The following PCBP3 variants were observed in gnomAD, a reference collection of about 807,000 sequenced individuals.
PCBP3 encodes poly(rC)-binding protein 3.
Under a neutral mutation model 52.7 loss-of-function variants are expected in PCBP3, and 25 were observed. The observed-to-expected ratio is 0.47, with a 90% CI of 0.35 to 0.66. The LOEUF is 0.66. PCBP3 is among the 30% of genes least tolerant of loss of function. PCBP3 has a pLI of 0.01. For synonymous variants in PCBP3, 162 were observed against 183.0 expected, an observed-to-expected ratio of 0.89 and a Z score of 0.93; for missense variants, 391 against 490.3, an observed-to-expected ratio of 0.80 and a Z score of 1.91.
intron 4 of PCBP3, among the ~76,000 whole-genome samples, chr21:45,765,437 C>G (rs914153904): frequency 1.3e-5 from 2 of 152,196 alleles, no homozygotes; most frequent in African/African-American, 4.8e-5. Context: ...GAGGACAGCT[C>G]AAATAGAGAA....
chr21:45,939,967 C>A, intron 16 of PCBP3, 63 bp from the exon 17 acceptor site: 1 of 1,502,968 alleles, frequency 6.7e-7, no homozygotes, highest in Non-Finnish European at 9.2e-7. Context: ...GGGCGCACTG[C>A]CCACAGTCTT....
In PCBP3 at chr21:45,894,142, T is replaced by A. The variant is rs2095758815; in HGVS notation, c.11-2066T>A. On this transcript the variant is annotated intron_variant, in intron 5 of 17. Coordinates refer to ENST00000681687, the MANE Select transcript of PCBP3 (RefSeq NM_001384156.1). ...GTCCTCTGGGGCTCTGGGCACTGAGTCCCAGGTGACCCGCACGGCACAGGA... is the reference window on the plus strand; with the variant it reads ...GTCCTCTGGGGCTCTGGGCACTGAGACCCAGGTGACCCGCACGGCACAGGA... 3 of 541,896 alleles carry A rather than the reference T, an allele frequency of 5.5e-6. No individual in the cohort carries two copies. In the South Asian group the frequency reaches 2.4e-4, roughly 44 times the overall value. 33.6% of individuals were successfully genotyped at this position (541,896 alleles called of 1,614,324 possible).
At chr21:45,747,241 CCATGAGAA>C (rs1450822031) in intron 3 of PCBP3, among the ~76,000 whole-genome samples, 7 of 152,198 alleles carry the variant, frequency 4.6e-5, no homozygotes, top group Non-Finnish European at 8.8e-5. Context: ...TTATTCACTA[CCATGAGAA>C]CATGAGAAAA....
rs143021193 is a variant in PCBP3, at chr21:45,798,798, G to C, written c.-126+43346G>C. On this transcript the variant is annotated intron_variant, in intron 4 of 17. Transcript: ENST00000681687. ...ATGAATGCATGGATCTGTAGAGAGA[G>C]TGAATGCGTACATGGATGAATACAT... is the stretch of plus-strand genomic sequence containing the variant. 7.2e-3 allele frequency among the ~76,000 whole-genome samples: 1,063 copies of C among 148,320 alleles called. 6 individuals carry two copies. The highest frequency in any genetic ancestry group is 0.025 in the African/African-American group (997 of 39,780).
At chr21:45,939,642 C>T (rs1263221539) in intron 16 of PCBP3, among the ~76,000 whole-genome samples, 1 of 152,264 alleles carries the variant, frequency 6.6e-6, no homozygotes, top group Non-Finnish European at 1.5e-5. Flanking sequence ...GCAGACACCG[C>T]TGGGCCATGG....
chr21:45,758,108 C>T (rs185054869), intron 4 of PCBP3, among the ~76,000 whole-genome samples: 10 of 152,240 alleles, frequency 6.6e-5, no homozygotes, highest in Non-Finnish European at 1.0e-4. Flanking sequence ...AGGGTGGTCT[C>T]GAACTCGTGA....
chr21:45,922,598 A>G (rs116796323), intron 13 of PCBP3, among the ~76,000 whole-genome samples: 226 of 152,344 alleles, frequency 1.5e-3, no homozygotes, highest in African/African-American at 4.8e-3. Flanking sequence ...CTTTATTTCT[A>G]GTCTTCCAGC....
chr21:45,675,154 A>T lies in PCBP3; in HGVS notation c.-200+6202A>T, dbSNP rs989095591. Among the ~76,000 whole-genome samples the T allele has an allele frequency of 2.2e-4, 34 of 152,076 alleles. 2 individuals carry two copies. The highest frequency in any genetic ancestry group is 4.4e-5 in the Non-Finnish European group (3 of 68,016). On this transcript the variant is annotated intron_variant, in intron 2 of 17. Transcript: ENST00000681687. Reference sequence around the variant, plus strand: ...GTGCTTTGCAGGACTTACTGAGGAGACTTTGACCCTGGTCTTCCTTCTGTC... The same window carrying T: ...GTGCTTTGCAGGACTTACTGAGGAGTCTTTGACCCTGGTCTTCCTTCTGTC...
At chr21:45,712,872 TAAAGA>T (rs1428080282) in intron 2 of PCBP3, among the ~76,000 whole-genome samples, 2 of 151,912 alleles carry the variant, frequency 1.3e-5, no homozygotes, top group African/African-American at 4.9e-5. Context: ...CCCAGCTAAT[TAAAGA>T]AAATTATTTG....
intron 13 of PCBP3, among the ~76,000 whole-genome samples, chr21:45,924,665 GATC>G (rs1214458116): frequency 1.4e-4 from 8 of 56,128 alleles, no homozygotes; most frequent in Admixed American, 4.1e-4. Flanking sequence ...GCACACGTAA[GATC>G]GGGTGTGCGT....
intron 6 of PCBP3, among the ~76,000 whole-genome samples, chr21:45,899,140 C>T (rs1472885800): frequency 6.6e-6 from 1 of 152,284 alleles, no homozygotes; most frequent in East Asian, 1.9e-4. Context: ...GTGGCAGCAT[C>T]TTCCAGCGTT....
At chr21:45,811,917 T>C (rs1466669631) in intron 4 of PCBP3, among the ~76,000 whole-genome samples, 13 of 152,248 alleles carry the variant, frequency 8.5e-5, no homozygotes, top group Non-Finnish European at 2.9e-5. Flanking sequence ...ATTGTCCCTC[T>C]CTTCTTTTAT....
intron 3 of PCBP3, among the ~76,000 whole-genome samples, chr21:45,738,684 C>T (rs746849867): frequency 1.3e-5 from 2 of 152,168 alleles, no homozygotes; most frequent in Non-Finnish European, 1.5e-5. Flanking sequence ...GGATTGTCCT[C>T]ACCCCTTCCT....
At chr21:45,862,585 C>T (rs958173614) in intron 5 of PCBP3, among the ~76,000 whole-genome samples, 1 of 152,098 alleles carries the variant, frequency 6.6e-6, no homozygotes, top group Non-Finnish European at 1.5e-5. Context: ...TCTGTATGAA[C>T]CTCCGATACT....
At chr21:45,914,951 T>G (rs2073135115) in intron 12 of PCBP3, 1 of 152,302 alleles carries the variant, frequency 6.6e-6, no homozygotes, top group South Asian at 2.1e-4. Context: ...CTTTTCCTGG[T>G]GCTTTTCCTT....
chr21:45,810,699 GA>G (rs2092663712), intron 4 of PCBP3, among the ~76,000 whole-genome samples: 1 of 152,108 alleles, frequency 6.6e-6, no homozygotes, highest in Non-Finnish European at 1.5e-5. Context: ...AATGACTTTG[GA>G]ATTATTCCCT....
rs1296042834 is a variant in PCBP3 at position 45,735,368 on chromosome 21, G to A, written c.-199-24G>A. 3 of 152,076 alleles carry A rather than the reference G, an allele frequency of 2.0e-5. No individual in the cohort carries two copies. 9.4% of individuals were successfully genotyped at this position (152,076 alleles called of 1,614,324 possible). A position where few individuals can be genotyped will look rare whatever the true frequency, so the allele number is the denominator to read the frequency against. ...AAGCCTATGATTTCCAATTTTAATT[G>A]TTTTTTCCTTCAACTGTTTACAGGA... is the stretch of plus-strand genomic sequence containing the variant. On this transcript the variant is annotated intron_variant, in intron 2 of 17. Coordinates refer to ENST00000681687, the MANE Select transcript of PCBP3 (RefSeq NM_001384156.1). This position sits in a 1 kb window ranked among gnomAD's most constrained non-coding sequence, Gnocchi z 4.0.
intron 5 of PCBP3, among the ~76,000 whole-genome samples, chr21:45,895,712 T>C (rs552705817): frequency 2.2e-4 from 33 of 152,320 alleles, no homozygotes; most frequent in South Asian, 8.3e-4. Flanking sequence ...CTAAGTCATA[T>C]GAGAGCATGA....
At chr21:45,857,824 C>T (rs1286393646) in intron 5 of PCBP3, among the ~76,000 whole-genome samples, 1 of 152,234 alleles carries the variant, frequency 6.6e-6, no homozygotes, top group African/African-American at 2.4e-5. Context: ...GCCTCAAGCC[C>T]TGGTGCTGGC....
Sources: allele counts gnomAD v4.1 joint callset (sites outside exome capture counted in the v4.1 genomes callset), GRCh38; gene constraint gnomAD v4.1.1; non-coding constraint Gnocchi (gnomAD v3.1); transcripts MANE v1.5; gene names NCBI Gene and HGNC (gene_info 2026-07-23, HGNC 2026-07-21).